PLEKHH2: variants seen among roughly 807,000 people sequenced by gnomAD.
PLEKHH2 encodes pleckstrin homology, MyTH4 and FERM domain containing H2.
Under a neutral mutation model 187.9 loss-of-function variants are expected in PLEKHH2, and 129 were observed. The observed-to-expected ratio is 0.69, with a 90% CI of 0.59 to 0.79. PLEKHH2 has a LOEUF of 0.79. Among genes scored for constraint, PLEKHH2 ranks in the 30% least tolerant of loss-of-function variants. PLEKHH2 has a pLI of 0.00. For synonymous variants in PLEKHH2, 686 were observed against 605.6 expected (o/e 1.13, Z -1.95); for missense variants, 2,076 against 1,751.2 (o/e 1.19, Z -3.31).
At position 43,700,505 on chromosome 2, in the gene PLEKHH2, C is replaced by G; in HGVS notation, c.1547C>G (p.Ser516Cys). 6.2e-7 allele frequency: 1 copy of G among 1,614,026 alleles called. No homozygotes were observed. The highest frequency in any genetic ancestry group is 8.5e-7 in the Non-Finnish European group (1 of 1,180,010). The part of the protein sequence containing the change: ...SCDDGLFSYD[S>C]LDSPNSDDQE... ...GATGATGGATTATTTTCCTATGACT[C>G]CTTGGACTCTCCAAATTCAGATGAC... Residue 516 changes from serine (S) to cysteine (C), a missense_variant, in exon 8 of 30, where the codon TCC becomes TGC. Ser to Cys is a moderately radical substitution (Grantham distance 112). Coordinates refer to ENST00000282406, the MANE Select transcript of PLEKHH2 (RefSeq NM_172069.4).
In PLEKHH2 at chr2:43,687,840, A is replaced by T. The variant is rs945588641; in HGVS notation, c.187-4674A>T. Among the ~76,000 whole-genome samples the T allele has an allele frequency of 3.3e-5, 5 of 151,886 alleles. No homozygotes were observed. In the South Asian group the frequency reaches 1.0e-3, roughly 32 times the overall value. The stretch of plus-strand genomic sequence containing the variant: ...AAGACAGGGTCTTCCTCTGTTGCCC[A>T]GGCTGGAGTGCAGCAGCATGATCAT... On this transcript the variant is annotated intron_variant, in intron 3 of 29. Transcript: ENST00000282406.
rs140629475 is a variant in PLEKHH2, at chr2:43,741,796, G to A, written c.3221+753G>A. Among the ~76,000 whole-genome samples, 7 of 152,052 alleles carry A rather than the reference G, an allele frequency of 4.6e-5. No homozygotes were observed. In the East Asian group the frequency reaches 1.3e-3, roughly 29 times the overall value. On this transcript the variant is annotated intron_variant, in intron 21 of 29. Transcript: ENST00000282406. ...CCGAGACCAAGGATCTGCCTACAGGGCACTTGAATACAAACATATTTGACA... is the reference window on the plus strand; with the variant it reads ...CCGAGACCAAGGATCTGCCTACAGGACACTTGAATACAAACATATTTGACA...
intron 24 of PLEKHH2, among the ~76,000 whole-genome samples, chr2:43,749,512 T>G (rs958394222): frequency 1.3e-5 from 2 of 152,146 alleles, no homozygotes; most frequent in African/African-American, 4.8e-5. Flanking sequence ...TCAGAATAAA[T>G]CTCTTCAAAA....
intron 16 of PLEKHH2, 143 bp downstream of exon 16, chr2:43,720,892 A>G: frequency 7.9e-7 from 1 of 1,271,790 alleles, no homozygotes; most frequent in East Asian, 2.6e-5. Flanking sequence ...TGCAACTGAG[A>G]AAATCACACA....
In PLEKHH2 at chr2:43,767,128, CT is replaced by C. The variant is rs903753237; in HGVS notation, c.*1532del. The C allele has an allele frequency of 9.2e-5, 14 of 152,388 alleles. No individual in the cohort carries two copies. Among genetic ancestry groups the C allele is most frequent in the African/African-American group, 3.4e-4 (14 of 41,344 alleles). The allele number at this position is 152,388 out of a possible 1,614,324, so 9.4% of individuals were successfully genotyped here. A position where few individuals can be genotyped will look rare whatever the true frequency, so the allele number is the denominator to read the frequency against. On this transcript the variant is annotated 3_prime_UTR_variant, in exon 30 of 30. Coordinates refer to ENST00000282406, the MANE Select transcript of PLEKHH2 (RefSeq NM_172069.4). ...AATTGTAATGGTAATCATGAGTATA[CT>C]TAATTTTATTTATGTATAGAATATT... is the stretch of plus-strand genomic sequence containing the variant.
rs1357544878 is a variant in PLEKHH2, at chr2:43,697,187, G to A, written c.519G>A (p.Lys173=). 1 of 1,577,500 alleles carries A rather than the reference G, an allele frequency of 6.3e-7. No individual in the cohort carries two copies. Among genetic ancestry groups the A allele is most frequent in the African/African-American group, 1.4e-5 (1 of 73,048 alleles). The change falls in exon 7 of 30, where the codon AAG becomes AAA. Residue 173 remains lysine, a synonymous_variant. Transcript: ENST00000282406. ...QSKLQEVQGK[K]SSTVSTLKLS... ...ATGTTGTAGAAGTTCAAGGAAAGAA[G>A]TCATCCACTGTCTCTACACTAAAGC...
intron 8 of PLEKHH2, among the ~76,000 whole-genome samples, chr2:43,701,246 C>T (rs1227217049): frequency 6.6e-6 from 1 of 152,208 alleles, no homozygotes; most frequent in Non-Finnish European, 1.5e-5. Flanking sequence ...AAACTTACTA[C>T]CTCAAAAAAC....
At position 43,699,804 on chromosome 2, in the gene PLEKHH2, T is replaced by A. The variant is rs7606783; in HGVS notation, c.846T>A (p.Pro282=). Residue 282 remains proline, a synonymous_variant, in exon 8 of 30, where the codon CCT becomes CCA. Coordinates refer to ENST00000282406, the MANE Select transcript of PLEKHH2 (RefSeq NM_172069.4). The part of the protein sequence containing the change: ...DGGISQNSGA[P]VSDWSSDEED... ...GCATCTCCCAGAATTCTGGGGCTCC[T>A]GTGAGTGACTGGAGCTCTGATGAGG... 0.54 allele frequency: 870,381 copies of A among 1,613,708 alleles called. 240,422 individuals carry two copies. Among genetic ancestry groups the A allele is most frequent in the African/African-American group, 0.77 (57,644 of 74,914 alleles).
intron 4 of PLEKHH2, among the ~76,000 whole-genome samples, chr2:43,694,110 C>T (rs565727597): frequency 3.9e-5 from 6 of 152,188 alleles, no homozygotes; most frequent in East Asian, 1.9e-4. Flanking sequence ...TTCTCCCCAA[C>T]GTGGTTGACC....
At chr2:43,734,576 C>T (rs542547110) in intron 19 of PLEKHH2, among the ~76,000 whole-genome samples, 16 of 152,282 alleles carry the variant, frequency 1.1e-4, no homozygotes, top group African/African-American at 3.9e-4. Context: ...GTTAAAATGG[C>T]TGTTATCGAA....
In PLEKHH2 at chr2:43,745,969, T is replaced by TTTTTG; in HGVS notation, c.3653+6_3653+7insTTTTG. ...CGTCTGACATACAAAAACAGGTGTGTAATACTGCATCCAGATGCCAAAGTA... is the reference window on the plus strand; with the variant it reads ...CGTCTGACATACAAAAACAGGTGTGTTTTTGAATACTGCATCCAGATGCCAAAGTA... On this transcript the variant is annotated splice_region_variant and intron_variant, in intron 24 of 29. Coordinates refer to ENST00000282406, the MANE Select transcript of PLEKHH2 (RefSeq NM_172069.4). 2 of 1,574,490 alleles carry TTTTTG rather than the reference T, an allele frequency of 1.3e-6. No homozygotes were observed. Among genetic ancestry groups the TTTTTG allele is most frequent in the Non-Finnish European group, 1.7e-6 (2 of 1,148,868 alleles).
chr2:43,693,723 C>CAAAAAA (rs70965316), intron 4 of PLEKHH2, among the ~76,000 whole-genome samples: 1 of 69,680 alleles, frequency 1.4e-5, no homozygotes, highest in Non-Finnish European at 2.5e-5. Flanking sequence ...GACTCCATCT[C>CAAAAAA]AAAAAAAAAA....
At chr2:43,693,259 G>T (rs1226750138) in intron 4 of PLEKHH2, among the ~76,000 whole-genome samples, 1 of 152,128 alleles carries the variant, frequency 6.6e-6, no homozygotes, top group Non-Finnish European at 1.5e-5. Flanking sequence ...TTTAAGTTGG[G>T]AACATTTGGT....
In PLEKHH2 at chr2:43,724,815, A is replaced by T. The variant is rs898022907; in HGVS notation, c.2542-1457A>T. Among the ~76,000 whole-genome samples the T allele has an allele frequency of 7.2e-5, 11 of 152,336 alleles. No homozygotes were observed. The South Asian group carries it at 1.5e-3, about 20-fold the overall frequency. ...GCTGATCAATTCTGTGGGATAAAAA[A>T]GTCAAATGACTGTTTTGGTGAATTA... On this transcript the variant is annotated intron_variant, in intron 16 of 29. Transcript: ENST00000282406.
rs940276134 is a variant in PLEKHH2, at chr2:43,681,169, C to T, written c.186+2244C>T. 1.0e-5 allele frequency: 7 copies of T among 703,332 alleles called. No individual in the cohort carries two copies. In the African/African-American group the frequency reaches 1.1e-4, roughly 11 times the overall value. 43.6% of individuals were successfully genotyped at this position (703,332 alleles called of 1,614,324 possible). A position where few individuals can be genotyped will look rare whatever the true frequency, so the allele number is the denominator to read the frequency against. ...ACACTCTAATGCCACTCAGAACATC[C>T]TTTTGGTCCACCACTATTCCTCAAA... is the stretch of plus-strand genomic sequence containing the variant. On this transcript the variant is annotated intron_variant, in intron 3 of 29. Transcript: ENST00000282406.
intron 2 of PLEKHH2, among the ~76,000 whole-genome samples, chr2:43,672,463 G>A (rs1013577805): frequency 2.0e-5 from 3 of 152,024 alleles, no homozygotes; most frequent in Admixed American, 2.0e-4. Flanking sequence ...AATTCATTCA[G>A]ACTCTTGCAT....
chr2:43,754,194 ACACAC>A (rs1471431802), intron 25 of PLEKHH2, among the ~76,000 whole-genome samples: 5 of 124,090 alleles, frequency 4.0e-5, no homozygotes, highest in African/African-American at 1.7e-4. Context: ...ACACACACAC[ACACAC>A]ACACACAAAA....
In PLEKHH2 at chr2:43,646,361, G is replaced by C. The variant is rs542203362; in HGVS notation, c.123+1565G>C. On this transcript the variant is annotated intron_variant, in intron 2 of 29. Coordinates refer to ENST00000282406, the MANE Select transcript of PLEKHH2 (RefSeq NM_172069.4). Reference sequence around the variant, plus strand: ...CTGCCCCATACAGTGATTTTTGTCAGGATCCACCAATTATGTCCTTATTAC... The same window carrying C: ...CTGCCCCATACAGTGATTTTTGTCACGATCCACCAATTATGTCCTTATTAC... Among the ~76,000 whole-genome samples the C allele has an allele frequency of 2.0e-5, 3 of 152,166 alleles. No individual in the cohort carries two copies. In the South Asian group the frequency reaches 6.2e-4, roughly 32 times the overall value.
intron 2 of PLEKHH2, among the ~76,000 whole-genome samples, chr2:43,666,644 T>G (rs1285813899): frequency 2.6e-5 from 4 of 152,234 alleles, no homozygotes; most frequent in African/African-American, 9.6e-5. Context: ...ATTTTAGCCA[T>G]ATTAATAGGT....
Sources: allele counts gnomAD v4.1 joint callset (sites outside exome capture counted in the v4.1 genomes callset), GRCh38; gene constraint gnomAD v4.1.1; transcripts MANE v1.5; gene names NCBI Gene and HGNC (gene_info 2026-07-23, HGNC 2026-07-21).